ANKRD6: variants seen among roughly 807,000 people sequenced by gnomAD.
ANKRD6 encodes the protein ankyrin repeat domain-containing protein 6.
ANKRD6 carries 56 observed loss-of-function variants against 82.3 expected under a neutral mutation model. The observed-to-expected ratio is 0.68, with a 90% CI of 0.55 to 0.85. The LOEUF is 0.85. ANKRD6 is among the 40% of genes least tolerant of loss of function. ANKRD6 has a pLI of 0.00. For missense variants in ANKRD6, 852 were observed against 907.6 expected (o/e 0.94, Z 0.79); for synonymous variants, 347 against 352.1 (o/e 0.99, Z 0.16).
intron 1 of ANKRD6, among the ~76,000 whole-genome samples, chr6:89,519,915 A>G (rs1411740158): frequency 6.6e-6 from 1 of 152,216 alleles, no homozygotes; most frequent in Non-Finnish European, 1.5e-5. Context: ...GTAATTTTCT[A>G]CTAAGAATTT....
chr6:89,515,946 C>G (rs1383272680), intron 1 of ANKRD6, among the ~76,000 whole-genome samples: 1 of 152,160 alleles, frequency 6.6e-6, no homozygotes, highest in Non-Finnish European at 1.5e-5. Flanking sequence ...TGGCCTGAAC[C>G]AAGGACCATC....
intron 13 of ANKRD6, 129 bp downstream of exon 13, chr6:89,624,820 C>A: frequency 2.1e-6 from 2 of 970,120 alleles, no homozygotes; most frequent in Non-Finnish European, 2.9e-6. Context: ...AAGAGGCCTG[C>A]TTCTGCTTAT....
chr6:89,508,553 G>A (rs1473813470), intron 1 of ANKRD6, among the ~76,000 whole-genome samples: 1 of 152,154 alleles, frequency 6.6e-6, no homozygotes, highest in African/African-American at 2.4e-5. Flanking sequence ...ATTTCCAGCA[G>A]AAAAGATAGA....
chr6:89,522,295 G>A (rs1324905438), intron 1 of ANKRD6, among the ~76,000 whole-genome samples: 1 of 152,234 alleles, frequency 6.6e-6, no homozygotes, highest in Non-Finnish European at 1.5e-5. Flanking sequence ...CTGTAGGGCA[G>A]GCAACTGTTA....
chr6:89,546,213 A>G (rs963948322), intron 1 of ANKRD6, among the ~76,000 whole-genome samples: 3 of 152,234 alleles, frequency 2.0e-5, no homozygotes, highest in Non-Finnish European at 4.4e-5. Context: ...TAAAAACACC[A>G]GGAGGGGAGT....
intron 1 of ANKRD6, among the ~76,000 whole-genome samples, chr6:89,481,230 C>T (rs1418457453): frequency 1.3e-5 from 2 of 152,174 alleles, no homozygotes; most frequent in African/African-American, 2.4e-5. Flanking sequence ...GTAGTTATAT[C>T]CATGTTGGTG....
intron 1 of ANKRD6, among the ~76,000 whole-genome samples, chr6:89,507,991 A>T (rs1780076622): frequency 6.6e-6 from 1 of 152,184 alleles, no homozygotes; most frequent in South Asian, 2.1e-4. Context: ...ATGTTCATAC[A>T]TACAGCAAAG....
intron 1 of ANKRD6, among the ~76,000 whole-genome samples, chr6:89,545,238 A>G (rs1784948275): frequency 6.6e-6 from 1 of 151,222 alleles, no homozygotes; most frequent in African/African-American, 2.4e-5. Flanking sequence ...AAAGAAAAGA[A>G]AAAGGGCTGT....
At chr6:89,514,920 T>A (rs1322553384) in intron 1 of ANKRD6, among the ~76,000 whole-genome samples, 1 of 152,218 alleles carries the variant, frequency 6.6e-6, no homozygotes. Flanking sequence ...TAGTTTTACT[T>A]CCTATTTCCT....
chr6:89,584,699 G>A (rs1793321887), intron 2 of ANKRD6, among the ~76,000 whole-genome samples: 1 of 152,208 alleles, frequency 6.6e-6, no homozygotes, highest in Admixed American at 6.5e-5. Flanking sequence ...ATGCAAGACT[G>A]GGTCAACATC....
intron 1 of ANKRD6, among the ~76,000 whole-genome samples, chr6:89,493,765 A>C (rs1049027549): frequency 1.6e-4 from 24 of 152,076 alleles, no homozygotes; most frequent in African/African-American, 5.8e-4. Context: ...GCCCACTGTG[A>C]TAATCCAGGA....
intron 1 of ANKRD6, among the ~76,000 whole-genome samples, chr6:89,539,753 T>G (rs1223375471): frequency 4.0e-5 from 6 of 151,484 alleles, no homozygotes; most frequent in African/African-American, 1.5e-4. Context: ...TTTTTTTTTT[T>G]TACACCCATT....
chr6:89,590,416 C>T (rs564246542), intron 2 of ANKRD6, among the ~76,000 whole-genome samples: 4 of 152,130 alleles, frequency 2.6e-5, no homozygotes, highest in African/African-American at 7.2e-5. Flanking sequence ...CTCACCACAG[C>T]GAGTTGATGA....
At chr6:89,463,742 G>A (rs1774487901) in intron 1 of ANKRD6, among the ~76,000 whole-genome samples, 1 of 151,974 alleles carries the variant, frequency 6.6e-6, no homozygotes. Context: ...GTAGAGATGG[G>A]GCTTCACCAT....
At chr6:89,468,177 C>T (rs1020214768) in intron 1 of ANKRD6, among the ~76,000 whole-genome samples, 4 of 152,144 alleles carry the variant, frequency 2.6e-5, no homozygotes, top group African/African-American at 4.8e-5. Context: ...TCTGAAGTTC[C>T]GGTCAGAGAG....
chr6:89,466,869 G>A (rs1176537886), intron 1 of ANKRD6, among the ~76,000 whole-genome samples: 1 of 152,104 alleles, frequency 6.6e-6, no homozygotes, highest in Non-Finnish European at 1.5e-5. Flanking sequence ...ACCAAACCCG[G>A]CTAATTTTTA....
intron 1 of ANKRD6, among the ~76,000 whole-genome samples, chr6:89,474,680 G>A (rs991710268): frequency 6.6e-6 from 1 of 152,174 alleles, no homozygotes; most frequent in Non-Finnish European, 1.5e-5. Context: ...GCCTCCCAAA[G>A]TGCTGGGATT....
At chr6:89,553,598 A>G (rs912571309) in intron 1 of ANKRD6, among the ~76,000 whole-genome samples, 1 of 152,164 alleles carries the variant, frequency 6.6e-6, no homozygotes, top group African/African-American at 2.4e-5. Flanking sequence ...TTTCAAGCTT[A>G]TGGTGCAGAA....
chr6:89,518,568 A>T (rs1460065206), intron 1 of ANKRD6, among the ~76,000 whole-genome samples: 1 of 152,100 alleles, frequency 6.6e-6, no homozygotes, highest in African/African-American at 2.4e-5. Flanking sequence ...GTAGGCTTTG[A>T]CTGGCAGGAG....
Sources: allele counts gnomAD v4.1 joint callset (sites outside exome capture counted in the v4.1 genomes callset), GRCh38; gene constraint gnomAD v4.1.1; transcripts MANE v1.5; gene names NCBI Gene and HGNC (gene_info 2026-07-23, HGNC 2026-07-21).